The following DPCD variants were observed in gnomAD, a reference collection of about 807,000 sequenced individuals.
The protein encoded by DPCD is protein DPCD.
In DPCD, 20 loss-of-function variants were observed where a neutral mutation model predicts 26.4. That is an observed-to-expected ratio of 0.76 (90% confidence interval 0.53 to 1.10). The LOEUF (loss-of-function observed/expected upper bound fraction) is 1.10. DPCD is among the 50% of genes least tolerant of loss of function. The pLI is 0.00. For synonymous variants in DPCD, 97 were observed against 94.2 expected, an observed-to-expected ratio of 1.03 and a Z score of -0.17; for missense variants, 202 against 253.9, an observed-to-expected ratio of 0.80 and a Z score of 1.39.
intron 2 of DPCD, among the ~76,000 whole-genome samples, chr10:101,595,250 T>C (rs1403838577): frequency 6.6e-6 from 1 of 152,170 alleles, no homozygotes; most frequent in East Asian, 1.9e-4. Context: ...AACAGTGATT[T>C]TGCAGCGTGG....
chr10:101,589,442 G>T (rs1321498197), intron 1 of DPCD, among the ~76,000 whole-genome samples: 1 of 152,184 alleles, frequency 6.6e-6, no homozygotes, highest in East Asian at 1.9e-4. Context: ...GATGTTTCTG[G>T]GTCCTAAAGA....
chr10:101,595,582 T>C (rs965236775), intron 2 of DPCD, among the ~76,000 whole-genome samples: 2 of 152,246 alleles, frequency 1.3e-5, no homozygotes, highest in Non-Finnish European at 2.9e-5. Flanking sequence ...TGAGGGAATT[T>C]CTTTTTCCTT....
At position 101,606,942 on chromosome 10, in the gene DPCD, C is replaced by T. The variant is rs189305980; in HGVS notation, c.405-1893C>T. 1.0e-3 allele frequency among the ~76,000 whole-genome samples: 153 copies of T among 152,326 alleles called. 2 individuals carry two copies. The highest frequency in any genetic ancestry group is 1.7e-3 in the South Asian group (8 of 4,822). ...CTCGACCAATAAACTAAATCTATTA[C>T]AAGAGACTCAAAACCAAGCTGAGCC... is the stretch of plus-strand genomic sequence containing the variant. On this transcript the variant is annotated intron_variant, in intron 4 of 5. Coordinates refer to ENST00000370151, the MANE Select transcript of DPCD (RefSeq NM_015448.3).
intron 2 of DPCD, among the ~76,000 whole-genome samples, chr10:101,598,639 T>TC (rs2063671013): frequency 8.9e-6 from 1 of 112,368 alleles, no homozygotes; most frequent in Admixed American, 9.0e-5. Context: ...TTTTTTTTTT[T>TC]TTGAGACGGA....
At chr10:101,609,128 T>G (rs2063754878) in intron 5 of DPCD, 191 bp downstream of exon 5, 2 of 648,648 alleles carry the variant, frequency 3.1e-6, no homozygotes, top group Admixed American at 5.6e-5. Context: ...GACCATATAA[T>G]TCACAGCTAG....
rs1305136272 is a variant in DPCD, at chr10:101,609,400, T to C, written c.541T>C (p.Ser181Pro). 5.6e-6 allele frequency: 9 copies of C among 1,613,844 alleles called. No homozygotes were observed. Among genetic ancestry groups the C allele is most frequent in the Non-Finnish European group, 7.6e-6 (9 of 1,179,994 alleles). ...QKPKEVVVAE[S>P]ELQKELKKVK... ...GCCAAAGGAGGTTGTGGTGGCCGAGTCTGAGCTACAGAAGGAACTAAAGAA... is the reference window on the plus strand; with the variant it reads ...GCCAAAGGAGGTTGTGGTGGCCGAGCCTGAGCTACAGAAGGAACTAAAGAA... The change falls in exon 6 of 6, where the codon TCT becomes CCT. Residue 181 changes from serine (S) to proline (P), a missense_variant. By Grantham distance (74) the Ser-to-Pro change is moderately conservative (BLOSUM62 -1). Around this residue, in one of 3 missense-constraint regions of DPCD, gnomAD observed 118 missense variants for 145.1 expected, o/e 0.81. Coordinates refer to ENST00000370151, the MANE Select transcript of DPCD (RefSeq NM_015448.3).
chr10:101,591,030 T>C (rs2063603397), intron 1 of DPCD, among the ~76,000 whole-genome samples: 1 of 152,206 alleles, frequency 6.6e-6, no homozygotes, highest in Non-Finnish European at 1.5e-5. Flanking sequence ...AGCTGTAATA[T>C]CGTTCATAAA....
At chr10:101,589,319 A>G (rs1156382548) in intron 1 of DPCD, among the ~76,000 whole-genome samples, 1 of 152,266 alleles carries the variant, frequency 6.6e-6, no homozygotes, top group Non-Finnish European at 1.5e-5. Flanking sequence ...TGGGAAAAAC[A>G]TGTACTTAAA....
At chr10:101,589,605 TGTG>T (rs1222115416) in intron 1 of DPCD, among the ~76,000 whole-genome samples, 6 of 151,644 alleles carry the variant, frequency 4.0e-5, no homozygotes, top group Non-Finnish European at 8.8e-5. Context: ...TATGGCCGGA[TGTG>T]GTGGTTCACG....
chr10:101,608,771 G>C (rs2063750266), intron 4 of DPCD, 64 bp from the exon 5 acceptor site: 1 of 1,079,856 alleles, frequency 9.3e-7, no homozygotes, highest in African/African-American at 1.6e-5. Flanking sequence ...GCAGCAGAGG[G>C]CCTGACGCCT....
chr10:101,591,229 C>T (rs904527366), intron 1 of DPCD, among the ~76,000 whole-genome samples: 3 of 152,146 alleles, frequency 2.0e-5, no homozygotes, highest in African/African-American at 7.2e-5. Context: ...TGTTGATGGA[C>T]ACCTGGGTTG....
intron 1 of DPCD, among the ~76,000 whole-genome samples, chr10:101,592,856 A>C (rs1046259847): frequency 1.1e-4 from 16 of 152,002 alleles, no homozygotes; most frequent in Admixed American, 6.6e-5. Flanking sequence ...TCTACTAAAA[A>C]TACAAAAATT....
chr10:101,598,577 C>A (rs1001871288), intron 2 of DPCD, among the ~76,000 whole-genome samples: 16 of 130,560 alleles, frequency 1.2e-4, no homozygotes, highest in African/African-American at 4.2e-4. Context: ...TGCTATTTCT[C>A]ATTTTAAAAA....
chr10:101,597,597 C>T lies in DPCD; in HGVS notation c.145+2859C>T, dbSNP rs528046517. Among the ~76,000 whole-genome samples, 5 of 152,328 alleles carry T rather than the reference C, an allele frequency of 3.3e-5. No individual in the cohort carries two copies. In the East Asian group the frequency reaches 9.7e-4, roughly 29 times the overall value. On this transcript the variant is annotated intron_variant, in intron 2 of 5. Coordinates refer to ENST00000370151, the MANE Select transcript of DPCD (RefSeq NM_015448.3). Reference sequence around the variant, plus strand: ...AGGAAAAAGCCCCCAGGCGCCACCTCCTTTATATATTCCCCATCAGACTCT... The same window carrying T: ...AGGAAAAAGCCCCCAGGCGCCACCTTCTTTATATATTCCCCATCAGACTCT...
intron 1 of DPCD, among the ~76,000 whole-genome samples, chr10:101,590,062 G>GAAAAAAAAAAA (rs1564889361): frequency 1.8e-5 from 2 of 113,802 alleles, no homozygotes; most frequent in Non-Finnish European, 2.0e-5. Context: ...CAAAAAAACT[G>GAAAAAAAAAAA]GAAAAAAAAA....
intron 4 of DPCD, among the ~76,000 whole-genome samples, chr10:101,605,852 G>C: frequency 6.6e-6 from 1 of 152,102 alleles, no homozygotes; most frequent in Admixed American, 6.5e-5. Flanking sequence ...CTTTAATACG[G>C]GCTTCTCTGT....
rs1052409800 is a variant in DPCD, at chr10:101,609,544, G to A, written c.*73G>A. 1.5e-6 allele frequency: 2 copies of A among 1,359,990 alleles called. No individual in the cohort carries two copies. The highest frequency in any genetic ancestry group is 1.2e-5 in the South Asian group (1 of 80,396). The allele number at this position is 1,359,990 out of a possible 1,614,324, so 84.2% of individuals were successfully genotyped here. On this transcript the variant is annotated 3_prime_UTR_variant, in exon 6 of 6. Transcript: ENST00000370151. ...TCAAGGCTTGGCCCTTCTTGACCACGGCAGCCTCCTGTCTTCTAGGAGCTA... is the reference window on the plus strand; with the variant it reads ...TCAAGGCTTGGCCCTTCTTGACCACAGCAGCCTCCTGTCTTCTAGGAGCTA...
chr10:101,588,848 C>CT (rs2063535189), intron 1 of DPCD, among the ~76,000 whole-genome samples: 1 of 152,334 alleles, frequency 6.6e-6, no homozygotes, highest in African/African-American at 2.4e-5. Flanking sequence ...TTGGGCCTCA[C>CT]TTTCCTCATC....
At chr10:101,595,318 A>G (rs554264489) in intron 2 of DPCD, among the ~76,000 whole-genome samples, 1 of 152,316 alleles carries the variant, frequency 6.6e-6, no homozygotes, top group South Asian at 2.1e-4. Context: ...TAGGGGCTCC[A>G]GCTCAGATTT....
Sources: allele counts gnomAD v4.1 joint callset (sites outside exome capture counted in the v4.1 genomes callset), GRCh38; gene constraint gnomAD v4.1.1; regional missense constraint gnomAD v4.1.1; transcripts MANE v1.5; gene names NCBI Gene and HGNC (gene_info 2026-07-23, HGNC 2026-07-21).